The following ASTN2 variants were observed in gnomAD, a reference collection of about 807,000 sequenced individuals.
The protein encoded by ASTN2 is astrotactin 2, also known as astrotactin-2.
Under a neutral mutation model 139.8 loss-of-function variants are expected in ASTN2, and 54 were observed. That is an observed-to-expected ratio of 0.39 (90% CI 0.31 to 0.48). The LOEUF is 0.48. ASTN2 is among the 20% of genes least tolerant of loss of function. ASTN2 has a pLI of 0.95. For synonymous variants in ASTN2, 756 were observed against 719.5 expected, an observed-to-expected ratio of 1.05 and a Z score of -0.81; for missense variants, 1,565 against 1,725.1, an observed-to-expected ratio of 0.91 and a Z score of 1.64.
At chr9:117,099,476 A>G (rs1828920967) in intron 4 of ASTN2, among the ~76,000 whole-genome samples, 1 of 152,206 alleles carries the variant, frequency 6.6e-6, no homozygotes, top group African/African-American at 2.4e-5. Flanking sequence ...TTCTTTCCCT[A>G]CTGGAGCAAG....
At chr9:117,147,252 C>G (rs2132871242) in intron 3 of ASTN2, among the ~76,000 whole-genome samples, 1 of 152,188 alleles carries the variant, frequency 6.6e-6, no homozygotes, top group South Asian at 2.1e-4. Flanking sequence ...CAAGCCTGGC[C>G]AACATGATGA....
At chr9:116,932,047 T>C (rs7025505) in intron 10 of ASTN2, among the ~76,000 whole-genome samples, 145,614 of 152,068 alleles carry the variant, frequency 0.96, 69,898 homozygotes, top group Non-Finnish European at 0.99. Context: ...TAGTAGAGTG[T>C]GAGTTTGAAG....
At chr9:116,527,418 G>GA (rs1186210973) in intron 19 of ASTN2, among the ~76,000 whole-genome samples, 1 of 152,094 alleles carries the variant, frequency 6.6e-6, no homozygotes, top group Non-Finnish European at 1.5e-5. Flanking sequence ...ACAGGTATAT[G>GA]AAAAAATGCT....
intron 3 of ASTN2, among the ~76,000 whole-genome samples, chr9:117,166,771 T>C (rs1016095947): frequency 3.9e-5 from 6 of 152,062 alleles, no homozygotes; most frequent in Non-Finnish European, 7.4e-5. Flanking sequence ...ACTCTTATTA[T>C]TCAGTATCTT....
chr9:117,379,711 G>C (rs1378754218), intron 1 of ASTN2, among the ~76,000 whole-genome samples: 2 of 152,158 alleles, frequency 1.3e-5, no homozygotes, highest in Admixed American at 6.6e-5. Context: ...TGAGATGTAT[G>C]CCAAATTACT....
At chr9:117,140,291 G>A (rs1830043123) in intron 4 of ASTN2, among the ~76,000 whole-genome samples, 1 of 152,062 alleles carries the variant, frequency 6.6e-6, no homozygotes, top group African/African-American at 2.4e-5. Flanking sequence ...TGAGTGTCAT[G>A]TTCATAGCCT....
chr9:116,863,141 G>A (rs982244610), intron 11 of ASTN2, among the ~76,000 whole-genome samples: 5 of 152,152 alleles, frequency 3.3e-5, no homozygotes, highest in African/African-American at 9.6e-5. Context: ...AAAAGCCAAC[G>A]TCCCAAGGAA....
At chr9:116,847,019 A>C (rs77609555) in intron 11 of ASTN2, among the ~76,000 whole-genome samples, 16 of 144,730 alleles carry the variant, frequency 1.1e-4, no homozygotes, top group Admixed American at 2.7e-4. Context: ...AAAAAAAAAA[A>C]AAAAAAACAA....
chr9:117,135,045 C>T (rs1829917739), intron 4 of ASTN2, among the ~76,000 whole-genome samples: 1 of 152,184 alleles, frequency 6.6e-6, no homozygotes, highest in Non-Finnish European at 1.5e-5. Context: ...CTCCTGAACA[C>T]CCTCACAGCA....
intron 7 of ASTN2, among the ~76,000 whole-genome samples, chr9:116,990,691 G>A (rs1374075100): frequency 6.6e-6 from 1 of 152,200 alleles, no homozygotes. Context: ...TTCTGGCAAT[G>A]ATTTAATTGC....
chr9:117,104,787 T>C (rs1353923574), intron 4 of ASTN2, among the ~76,000 whole-genome samples: 1 of 152,176 alleles, frequency 6.6e-6, no homozygotes, highest in Non-Finnish European at 1.5e-5. Context: ...TAAACAAAGA[T>C]ACCTAATAAA....
Position 117,414,238 on chromosome 9 carries a change from G to A in ASTN2, c.442+259C>T, listed in dbSNP as rs541519039. On this transcript the variant is annotated intron_variant, in intron 1 of 22. Transcript: ENST00000313400. This position sits in a 1 kb window ranked among gnomAD's most constrained non-coding sequence, Gnocchi z 4.2. The stretch of plus-strand genomic sequence containing the variant: ...GATGGATCAAGCAGAGCTCCAGGTC[G>A]GGACTGAGAGGCAGAGGGGCAGGTT... 6.6e-6 allele frequency among the ~76,000 whole-genome samples: 1 copy of A among 152,214 alleles called. No homozygotes were observed. Among genetic ancestry groups the A allele is most frequent in the East Asian group, 1.9e-4 (1 of 5,134 alleles).
intron 5 of ASTN2, among the ~76,000 whole-genome samples, chr9:117,084,075 G>C (rs1226368747): frequency 6.6e-6 from 1 of 151,218 alleles, no homozygotes; most frequent in Non-Finnish European, 1.5e-5. Flanking sequence ...TTTCTTTGAG[G>C]TTTGAAGGAA....
chr9:117,162,819 A>C (rs1830583312), intron 3 of ASTN2, among the ~76,000 whole-genome samples: 1 of 152,070 alleles, frequency 6.6e-6, no homozygotes, highest in African/African-American at 2.4e-5. Flanking sequence ...TGGAGGGGTG[A>C]ACAGATCTCA....
At chr9:116,508,724 A>C (rs1353960970) in intron 19 of ASTN2, among the ~76,000 whole-genome samples, 1 of 152,212 alleles carries the variant, frequency 6.6e-6, no homozygotes, top group African/African-American at 2.4e-5. Flanking sequence ...ATGCAGAATT[A>C]CTATAAAGAT....
chr9:117,035,289 T>C (rs1334079), intron 6 of ASTN2, among the ~76,000 whole-genome samples: 108,046 of 152,048 alleles, frequency 0.71, 38,579 homozygotes, highest in East Asian at 0.85. Context: ...CTTTGCCAGT[T>C]TTAAGGGGCC....
chr9:116,855,197 A>G (rs1832708792), intron 11 of ASTN2, among the ~76,000 whole-genome samples: 1 of 152,206 alleles, frequency 6.6e-6, no homozygotes, highest in Non-Finnish European at 1.5e-5. Flanking sequence ...AAAAGGGTGC[A>G]TAGGCTTTAT....
intron 3 of ASTN2, among the ~76,000 whole-genome samples, chr9:117,202,088 A>G (rs2132992294): frequency 6.6e-6 from 1 of 152,224 alleles, no homozygotes; most frequent in Middle Eastern, 3.4e-3. Context: ...TGTTACCATT[A>G]TGTAATGCCC....
intron 5 of ASTN2, among the ~76,000 whole-genome samples, chr9:117,059,647 A>T (rs1839180328): frequency 6.6e-6 from 1 of 151,992 alleles, no homozygotes; most frequent in Admixed American, 6.6e-5. Flanking sequence ...AACAAACAAA[A>T]ACCCCACCAC....
Sources: gnomAD v4.1 joint callset for allele counts (sites outside exome capture counted in the v4.1 genomes callset) on GRCh38, gnomAD v4.1.1 for gene constraint, Gnocchi (gnomAD v3.1) non-coding constraint, MANE v1.5 for transcripts, NCBI Gene and HGNC (gene_info 2026-07-23, HGNC 2026-07-21) for gene names.